Variants in SLC6A14 observed in about 807,000 individuals in gnomAD.
The protein encoded by SLC6A14 is solute carrier family 6 member 14.
A neutral mutation model predicts 51.4 loss-of-function variants in SLC6A14; 21 were observed. The ratio of observed to expected loss-of-function variants is 0.41; its 90% CI spans 0.29 to 0.59. The LOEUF (loss-of-function observed/expected upper bound fraction) is 0.59. Ranked by LOEUF, SLC6A14 falls within the 20% of genes least tolerant of loss-of-function variation. The pLI is 0.31. For synonymous variants in SLC6A14, 177 were observed against 160.7 expected (o/e 1.10, Z -0.77); for missense variants, 371 against 472.8 (o/e 0.78, Z 2.00).
At position 116,455,482 on chromosome X, in the gene SLC6A14, C is replaced by G. The variant is rs781946047; in HGVS notation, c.1614+16C>G. 8.9e-6 allele frequency: 9 copies of G among 1,014,252 alleles called. No individual in the cohort carries two copies. In the South Asian group the frequency reaches 1.8e-4, roughly 20 times the overall value. The allele number at this position is 1,014,252 out of a possible 1,213,427, so 83.6% of individuals were successfully genotyped here. On this transcript the variant is annotated intron_variant, in intron 12 of 13. Transcript: ENST00000598581. ...CCTTTTGATTGTAAGTAATAATACA[C>G]CATGAACTTGATTTCGATAATACAT...
At chrX:116,449,384 T>A (rs1361788748) in intron 7 of SLC6A14, among the ~76,000 whole-genome samples, 1 of 111,543 alleles carries the variant, frequency 9.0e-6, no homozygotes, top group African/African-American at 3.3e-5. Context: ...CCACACCCAC[T>A]TCCAGCTCCC....
At chrX:116,444,417 C>T (rs1460365687) in intron 5 of SLC6A14, among the ~76,000 whole-genome samples, 1 of 111,263 alleles carries the variant, frequency 9.0e-6, no homozygotes, top group Admixed American at 9.6e-5. Flanking sequence ...AAGATCCATG[C>T]ATGTACCTAG....
intron 2 of SLC6A14, among the ~76,000 whole-genome samples, chrX:116,438,182 TA>T (rs1556693447): frequency 9.0e-6 from 1 of 111,705 alleles, no homozygotes; most frequent in African/African-American, 3.3e-5. Context: ...ATAAACTTGA[TA>T]AAAAGCTTTA....
intron 5 of SLC6A14, among the ~76,000 whole-genome samples, chrX:116,444,274 A>G (rs1252376779): frequency 1.8e-5 from 2 of 112,102 alleles, no homozygotes; most frequent in Admixed American, 1.9e-4. Context: ...CTTACTCTAT[A>G]TCTATCCATT....
intron 9 of SLC6A14, 38 bp from the exon 10 acceptor site, chrX:116,454,272 CAGTATTGGCAAATA>C: frequency 1.4e-6 from 1 of 692,914 alleles, no homozygotes; most frequent in Non-Finnish European, 2.3e-6. Context: ...CTGTGATTAA[CAGTATTGGCAAATA>C]AGTTGACATA....
chrX:116,458,794 G>A lies in SLC6A14; in HGVS notation c.1783-15G>A. 2 of 1,154,210 alleles carry A rather than the reference G, an allele frequency of 1.7e-6. No homozygotes were observed. The highest frequency in any genetic ancestry group is 4.3e-5 in the South Asian group (2 of 46,389). On this transcript the variant is annotated splice_polypyrimidine_tract_variant and intron_variant, in intron 13 of 13. Transcript: ENST00000598581. ...TTAAATTCTAAGACAATGATTTTTT[G>A]TTCTTGCATTTCAGCGCCTTATAAG...
rs1259884954 is a variant in SLC6A14 at position 116,460,174 on chromosome X, G to T, written c.*1219G>T. On this transcript the variant is annotated 3_prime_UTR_variant, in exon 14 of 14. Coordinates refer to ENST00000598581, the MANE Select transcript of SLC6A14 (RefSeq NM_007231.5). ...GAGCATATGAAACCAAAATTATATGGAACATTTTCTGTGTGTACATGTACA... is the reference window on the plus strand; with the variant it reads ...GAGCATATGAAACCAAAATTATATGTAACATTTTCTGTGTGTACATGTACA... 9.0e-6 allele frequency: 1 copy of T among 111,245 alleles called. No homozygotes were observed. Among genetic ancestry groups the T allele is most frequent in the African/African-American group, 3.3e-5 (1 of 30,590 alleles). The allele number at this position is 111,245 out of a possible 1,213,427, so 9.2% of individuals were successfully genotyped here.
At position 116,441,082 on chromosome X, in the gene SLC6A14, C is replaced by T; in HGVS notation, c.331C>T (p.Leu111Phe). Reference protein sequence around the residue: ...SLGPVSVWRILPLFQGVGITM... With the variant: ...SLGPVSVWRIFPLFQGVGITM... ...AGGTCCAGTTTCAGTTTGGAGGATT[C>T]TTCCATTGTTTCAAGGTTGGTATTA... Residue 111 changes from leucine (L) to phenylalanine (F), a missense_variant, in exon 3 of 14, where the codon CTT becomes TTT. By Grantham distance (22) the Leu-to-Phe change is conservative. Coordinates refer to ENST00000598581, the MANE Select transcript of SLC6A14 (RefSeq NM_007231.5). The T allele has an allele frequency of 8.3e-7, 1 of 1,210,393 alleles. No individual in the cohort carries two copies. Among genetic ancestry groups the T allele is most frequent in the South Asian group, 1.8e-5 (1 of 56,895 alleles).
At position 116,441,027 on chromosome X, in the gene SLC6A14, G is replaced by A; in HGVS notation, c.276G>A (p.Leu92=). The change falls in exon 3 of 14, where the codon CTG becomes CTA. Residue 92 remains leucine (L), a synonymous_variant. Coordinates refer to ENST00000598581, the MANE Select transcript of SLC6A14 (RefSeq NM_007231.5). Reference sequence around the variant, plus strand: ...TGGCTGGTTTACCTTTGTTCTTTCTGGAGTGTTCACTGGGACAATTTGCTA... The same window carrying A: ...TGGCTGGTTTACCTTTGTTCTTTCTAGAGTGTTCACTGGGACAATTTGCTA... The part of the protein sequence containing the change: ...LALAGLPLFF[L]ECSLGQFASL... 8.3e-7 allele frequency: 1 copy of A among 1,209,061 alleles called. No homozygotes were observed. The highest frequency in any genetic ancestry group is 1.1e-6 in the Non-Finnish European group (1 of 893,363).
Position 116,439,689 on chromosome X carries a change from C to T in SLC6A14, c.215-1277C>T, listed in dbSNP as rs372519902. Among the ~76,000 whole-genome samples the T allele has an allele frequency of 1.4e-4, 15 of 110,581 alleles. 1 individual carries two copies. The highest frequency in any genetic ancestry group is 3.9e-4 in the African/African-American group (12 of 30,546). On this transcript the variant is annotated intron_variant, in intron 2 of 13. Coordinates refer to ENST00000598581, the MANE Select transcript of SLC6A14 (RefSeq NM_007231.5). Reference sequence around the variant, plus strand: ...TTAACAAAAAATACCTGTTCACACTCGGCTGGTAAAGCTTGTTTATTGTTG... The same window carrying T: ...TTAACAAAAAATACCTGTTCACACTTGGCTGGTAAAGCTTGTTTATTGTTG...
intron 2 of SLC6A14, among the ~76,000 whole-genome samples, 166 bp downstream of exon 2, chrX:116,438,121 G>T (rs1450570138): frequency 9.1e-6 from 1 of 110,207 alleles, no homozygotes; most frequent in Non-Finnish European, 1.9e-5. Context: ...TTTATTATTA[G>T]TCTGGGTTAC....
At chrX:116,454,919 C>T (rs1927897297) in intron 10 of SLC6A14, 58 bp from the exon 11 acceptor site, 3 of 804,017 alleles carry the variant, frequency 3.7e-6, no homozygotes, top group South Asian at 2.4e-5. Flanking sequence ...TTTGAATATC[C>T]CATCAATCAT....
At position 116,436,635 on chromosome X, in the gene SLC6A14, G is replaced by A. The variant is rs1179914532; in HGVS notation, c.-75G>A. The A allele has an allele frequency of 1.9e-6, 2 of 1,054,653 alleles. No individual in the cohort carries two copies. The highest frequency in any genetic ancestry group is 5.5e-5 in the Admixed American group (2 of 36,526). 86.9% of individuals were successfully genotyped at this position (1,054,653 alleles called of 1,213,427 possible). A position where few individuals can be genotyped will look rare whatever the true frequency, so the allele number is the denominator to read the frequency against. On this transcript the variant is annotated 5_prime_UTR_variant, in exon 1 of 14. Transcript: ENST00000598581. ...CACTCTGGCAGGTAGGAACAGGGGA[G>A]AGTGCACCTGCTACCAGTCAAGCTC...
chrX:116,451,327 A>G, intron 7 of SLC6A14, 115 bp from the exon 8 acceptor site: 1 of 522,464 alleles, frequency 1.9e-6, no homozygotes, highest in Non-Finnish European at 3.1e-6. Flanking sequence ...AGTAGTGGGC[A>G]TTTGGGTGTT....
Position 116,454,455 on chromosome X carries a change from AT to A in SLC6A14, c.1404+21del. 4.6e-5 allele frequency: 44 copies of A among 964,173 alleles called. No individual in the cohort carries two copies. The highest frequency in any genetic ancestry group is 3.9e-4 in the Middle Eastern group (1 of 2,593). The allele number at this position is 964,173 out of a possible 1,213,427, so 79.5% of individuals were successfully genotyped here. On this transcript the variant is annotated intron_variant, in intron 10 of 13. Coordinates refer to ENST00000598581, the MANE Select transcript of SLC6A14 (RefSeq NM_007231.5). ...CTGTGTGACTCAGGTATACTACAGCATTTTTTTTCATAGAAACATATTAGTT... is the reference window on the plus strand; with the variant it reads ...CTGTGTGACTCAGGTATACTACAGCATTTTTTTCATAGAAACATATTAGTT...
rs2074438639 is a variant in SLC6A14, at chrX:116,457,748, T to C, written c.1754T>C (p.Ile585Thr). 12 of 1,198,503 alleles carry C rather than the reference T, an allele frequency of 1.0e-5. No homozygotes were observed. Among genetic ancestry groups the C allele is most frequent in the Non-Finnish European group, 1.4e-5 (12 of 884,127 alleles). ...IWIPIMAIIK[I>T]IQAKGNIFQR... ...ATTCCAATTATGGCTATCATAAAAA[T>C]AATTCAGGCTAAAGGAAACATCTTT... The change falls in exon 13 of 14, where the codon ATA becomes ACA. Residue 585 changes from isoleucine to threonine, a missense_variant. Ile to Thr is a moderately conservative substitution (Grantham distance 89). This residue lies in a region of SLC6A14 where 94 missense variants were observed against 81.0 expected (regional missense o/e 1.16). Coordinates refer to ENST00000598581, the MANE Select transcript of SLC6A14 (RefSeq NM_007231.5).
At chrX:116,455,305 T>C in intron 11 of SLC6A14, 52 bp from the exon 12 acceptor site, 1 of 987,925 alleles carries the variant, frequency 1.0e-6, no homozygotes, top group Non-Finnish European at 1.4e-6. Context: ...GCCATAATGG[T>C]TACTGGAAGA....
intron 1 of SLC6A14, among the ~76,000 whole-genome samples, 163 bp downstream of exon 1, chrX:116,436,920 G>T (rs1927492927): frequency 8.9e-6 from 1 of 111,788 alleles, no homozygotes; most frequent in Non-Finnish European, 1.9e-5. Context: ...AGAGAAGAAA[G>T]AAAAGCTCTT....
At chrX:116,458,287 T>C (rs1927972982) in intron 13 of SLC6A14, among the ~76,000 whole-genome samples, 1 of 111,888 alleles carries the variant, frequency 8.9e-6, no homozygotes, top group Admixed American at 9.5e-5. Context: ...TGAAGTTCAT[T>C]ATGACATCTC....
Sources: allele counts gnomAD v4.1 joint callset (sites outside exome capture counted in the v4.1 genomes callset), GRCh38; gene constraint gnomAD v4.1.1; regional missense constraint gnomAD v4.1.1; transcripts MANE v1.5; gene names NCBI Gene and HGNC (gene_info 2026-07-23, HGNC 2026-07-21).